Variants in ADAMTS19 observed in about 807,000 individuals in gnomAD.
The protein encoded by ADAMTS19 is ADAM metallopeptidase with thrombospondin type 1 motif 19.
ADAMTS19 carries 93 observed loss-of-function variants against 153.3 expected under a neutral mutation model. That is an observed-to-expected ratio of 0.61 (90% CI 0.51 to 0.72). The LOEUF is 0.72. Among genes scored for constraint, ADAMTS19 ranks in the 30% least tolerant of loss-of-function variants. The pLI, the probability that ADAMTS19 is intolerant of heterozygous loss-of-function variation, is 0.00. For missense variants in ADAMTS19, 1,482 were observed against 1,552.1 expected (o/e 0.95, Z 0.76); for synonymous variants, 600 against 556.6 (o/e 1.08, Z -1.10).
At chr5:129,631,502 T>C (rs747688440) in intron 10 of ADAMTS19, among the ~76,000 whole-genome samples, 2 of 152,044 alleles carry the variant, frequency 1.3e-5, no homozygotes, top group Non-Finnish European at 2.9e-5. Context: ...TTTTGATTCA[T>C]ACCTCGTAAG....
intron 7 of ADAMTS19, among the ~76,000 whole-genome samples, chr5:129,574,341 C>T (rs896402813): frequency 3.3e-5 from 5 of 151,706 alleles, no homozygotes; most frequent in Admixed American, 2.0e-4. Flanking sequence ...ACGTGCAGAA[C>T]GTGCAGGTGT....
chr5:129,735,020 C>T lies in ADAMTS19; in HGVS notation c.3401C>T (p.Ser1134Phe). ...GGAAGACATGGAAATGAATGTTTTT[C>T]CTCAGAAAAACCTGCAGCATACAGG... ...ITGRHGNECF[S>F]SEKPAAYRPC... The change falls in exon 22 of 23, where the codon TCC becomes TTC. Residue 1134 changes from serine (S) to phenylalanine (F), a missense_variant. Ser to Phe is a radical substitution (Grantham distance 155). Coordinates refer to ENST00000274487, the MANE Select transcript of ADAMTS19 (RefSeq NM_133638.6). 1.2e-6 allele frequency: 2 copies of T among 1,611,886 alleles called. No homozygotes were observed. The highest frequency in any genetic ancestry group is 8.5e-7 in the Non-Finnish European group (1 of 1,178,770).
chr5:129,595,363 C>A (rs2126917542), intron 7 of ADAMTS19, among the ~76,000 whole-genome samples: 1 of 152,268 alleles, frequency 6.6e-6, no homozygotes, highest in African/African-American at 2.4e-5. Flanking sequence ...TAGGCTGTAG[C>A]TTTCACTAAA....
chr5:129,498,807 T>TC (rs1561539885), intron 2 of ADAMTS19, among the ~76,000 whole-genome samples: 3 of 151,172 alleles, frequency 2.0e-5, no homozygotes, highest in African/African-American at 7.4e-5. Context: ...TATTTTTTTT[T>TC]TTTTTTGATC....
intron 7 of ADAMTS19, among the ~76,000 whole-genome samples, chr5:129,586,025 G>T (rs917008721): frequency 2.0e-5 from 3 of 151,872 alleles, no homozygotes; most frequent in Non-Finnish European, 2.9e-5. Context: ...CTATTTTTTA[G>T]AGCAGTCTTA....
intron 8 of ADAMTS19, among the ~76,000 whole-genome samples, chr5:129,607,559 G>A (rs940949154): frequency 2.0e-5 from 3 of 152,248 alleles, no homozygotes; most frequent in Non-Finnish European, 4.4e-5. Context: ...TCTTGACTAA[G>A]TAATATGATT....
At chr5:129,618,090 C>A (rs1202033830) in intron 8 of ADAMTS19, among the ~76,000 whole-genome samples, 1 of 151,910 alleles carries the variant, frequency 6.6e-6, no homozygotes, top group African/African-American at 2.4e-5. Context: ...TGTTAAATTG[C>A]CTTTGGTCAC....
intron 10 of ADAMTS19, among the ~76,000 whole-genome samples, chr5:129,630,265 G>A (rs1345087836): frequency 6.6e-6 from 1 of 152,028 alleles, no homozygotes; most frequent in Non-Finnish European, 1.5e-5. Flanking sequence ...CCTAGTCTCT[G>A]TAATTTGGCA....
chr5:129,700,482 TCA>T (rs1441412212), intron 19 of ADAMTS19, among the ~76,000 whole-genome samples: 2 of 152,144 alleles, frequency 1.3e-5, no homozygotes, highest in Non-Finnish European at 2.9e-5. Flanking sequence ...AAGAGGTCAA[TCA>T]CAGTCTTCTG....
At chr5:129,736,970 AGT>A in intron 22 of ADAMTS19, 95 bp from the exon 23 acceptor site, 2 of 1,190,996 alleles carry the variant, frequency 1.7e-6, no homozygotes, top group Non-Finnish European at 2.2e-6. Flanking sequence ...AACCAAAGAG[AGT>A]GTACAAAATC....
chr5:129,541,985 A>T (rs1752668508), intron 6 of ADAMTS19, among the ~76,000 whole-genome samples: 1 of 152,066 alleles, frequency 6.6e-6, no homozygotes, highest in African/African-American at 2.4e-5. Flanking sequence ...ATTCATCTTC[A>T]TCTATAGTTA....
intron 16 of ADAMTS19, among the ~76,000 whole-genome samples, chr5:129,677,505 T>C (rs984543766): frequency 7.2e-5 from 11 of 151,914 alleles, no homozygotes; most frequent in Non-Finnish European, 1.2e-4. Flanking sequence ...ACTTCTGATA[T>C]TGCTCCTCAA....
rs554974078 is a variant in ADAMTS19, at chr5:129,646,078, C to G, written c.1873-1687C>G. Among the ~76,000 whole-genome samples the G allele has an allele frequency of 1.4e-4, 21 of 149,250 alleles. No individual in the cohort carries two copies. In the South Asian group the frequency reaches 4.5e-3, roughly 32 times the overall value. On this transcript the variant is annotated intron_variant, in intron 11 of 22. Transcript: ENST00000274487. ...TAATTTTTTGTATTTTTAGTAGAGA[C>G]GGGGTTTCACTGTTTTAGCCGGGAT... is the stretch of plus-strand genomic sequence containing the variant.
intron 15 of ADAMTS19, among the ~76,000 whole-genome samples, chr5:129,659,499 T>G (rs1173487072): frequency 6.6e-6 from 1 of 152,220 alleles, no homozygotes; most frequent in Non-Finnish European, 1.5e-5. Context: ...ATTAGTCTGT[T>G]ACCTGGGCAT....
rs184847248 is a variant in ADAMTS19 at position 129,581,906 on chromosome 5, T to C, written c.1373-14653T>C. 1.9e-3 allele frequency among the ~76,000 whole-genome samples: 284 copies of C among 152,242 alleles called. 2 individuals carry two copies. The highest frequency in any genetic ancestry group is 1.5e-3 in the Non-Finnish European group (104 of 68,010). On this transcript the variant is annotated intron_variant, in intron 7 of 22. Coordinates refer to ENST00000274487, the MANE Select transcript of ADAMTS19 (RefSeq NM_133638.6). ...AGGTTGTTCAGTTTCCATGTAGTTG[T>C]GCGGTTTTGAGTGAGTTTCTTAATC...
intron 2 of ADAMTS19, among the ~76,000 whole-genome samples, chr5:129,465,955 C>T (rs1009815575): frequency 1.3e-5 from 2 of 152,196 alleles, no homozygotes; most frequent in African/African-American, 4.8e-5. Context: ...TAGAAAACAT[C>T]TGTGACTTGC....
At chr5:129,695,755 G>T (rs1755523803) in intron 19 of ADAMTS19, among the ~76,000 whole-genome samples, 1 of 152,218 alleles carries the variant, frequency 6.6e-6, no homozygotes, top group East Asian at 1.9e-4. Context: ...TCTGAATATT[G>T]GGACAGGAAT....
intron 2 of ADAMTS19, among the ~76,000 whole-genome samples, chr5:129,464,120 G>T (rs912007837): frequency 4.6e-5 from 7 of 152,186 alleles, no homozygotes; most frequent in African/African-American, 1.7e-4. Context: ...GTGCAGGCAT[G>T]AAAATGCAGG....
intron 3 of ADAMTS19, among the ~76,000 whole-genome samples, chr5:129,516,866 G>T (rs1751629650): frequency 1.8e-5 from 2 of 108,718 alleles, no homozygotes; most frequent in Admixed American, 1.7e-4. Context: ...TCTAGTTCTT[G>T]TTAGGTTTTT....
Sources: gnomAD v4.1 joint callset for allele counts (sites outside exome capture counted in the v4.1 genomes callset) on GRCh38, gnomAD v4.1.1 for gene constraint, MANE v1.5 for transcripts, NCBI Gene and HGNC (gene_info 2026-07-23, HGNC 2026-07-21) for gene names.